ANK2: variants seen among roughly 807,000 people sequenced by gnomAD.
ANK2 encodes the protein ankyrin 2.
Under a neutral mutation model 360.5 loss-of-function variants are expected in ANK2, and 83 were observed. That is an observed-to-expected ratio of 0.23 (90% CI 0.19 to 0.28). The LOEUF (loss-of-function observed/expected upper bound fraction) is 0.28, where lower values mean the gene tolerates loss of function less well. Ranked by LOEUF, ANK2 falls within the 10% of genes least tolerant of loss-of-function variation. ANK2 has a pLI of 1.00. For missense variants in ANK2, 4,201 were observed against 4,795.7 expected (o/e 0.88, Z 3.66); for synonymous variants, 1,740 against 1,759.5 (o/e 0.99, Z 0.28).
intron 2 of ANK2, among the ~76,000 whole-genome samples, chr4:112,956,459 C>T (rs1010505707): frequency 1.3e-5 from 2 of 152,082 alleles, no homozygotes; most frequent in African/African-American, 4.8e-5. Flanking sequence ...GCTTTGTGGT[C>T]GCTATTAGGT....
upstream of ANK2, among the ~76,000 whole-genome samples, chr4:112,815,164 A>G (rs558966608): frequency 6.6e-5 from 10 of 152,260 alleles, no homozygotes; most frequent in African/African-American, 2.4e-4. Flanking sequence ...TACAGGTGCA[A>G]GCCACCACCA....
At chr4:113,173,989 GA>G (rs1399812964) in intron 1 of ANK2, 3 of 196,276 alleles carry the variant, frequency 1.5e-5, no homozygotes, top group Non-Finnish European at 2.1e-5. Context: ...GAAAGAGAAA[GA>G]AAAAAACCCA....
intron 1 of ANK2, among the ~76,000 whole-genome samples, chr4:112,828,552 A>C (rs911168763): frequency 6.6e-6 from 1 of 152,174 alleles, no homozygotes; most frequent in Non-Finnish European, 1.5e-5. Context: ...ACTTAAATAT[A>C]AAATCTGAAA....
intron 4 of ANK2, among the ~76,000 whole-genome samples, chr4:113,226,429 C>G (rs2099222852): frequency 6.6e-6 from 1 of 152,082 alleles, no homozygotes; most frequent in African/African-American, 2.4e-5. Flanking sequence ...AATACCTTGC[C>G]TGCTTCTGTG....
At chr4:113,372,102 C>A (rs2096758741) in intron 43 of ANK2, among the ~76,000 whole-genome samples, 1 of 152,142 alleles carries the variant, frequency 6.6e-6, no homozygotes. Context: ...CTGCTAGAAA[C>A]AGGGGATATT....
intron 2 of ANK2, among the ~76,000 whole-genome samples, chr4:112,942,908 T>G (rs2094330812): frequency 1.3e-5 from 2 of 152,064 alleles, no homozygotes. Context: ...GCTTTTAAAC[T>G]AACTGCAATC....
At chr4:112,771,188 C>G in the ANK2 span, among the ~76,000 whole-genome samples, 1 of 152,220 alleles carries the variant, frequency 6.6e-6, no homozygotes, top group Non-Finnish European at 1.5e-5. Flanking sequence ...TCTTGGCTTA[C>G]CACGACCTTC....
rs368759924 is a variant in ANK2, at chr4:113,274,561, C to T, written c.1595C>T (p.Thr532Ile). The change falls in exon 15 of 46, where the codon ACA becomes ATA. Residue 532 changes from threonine (T) to isoleucine (I), a missense_variant. By Grantham distance (89) the Thr-to-Ile change is moderately conservative (BLOSUM62 -1). Around this residue, in one of 4 missense-constraint regions of ANK2, gnomAD observed 1,268 missense variants for 1,650.8 expected, o/e 0.77. Coordinates refer to ENST00000357077, the MANE Select transcript of ANK2 (RefSeq NM_001148.6). ...GATGCGGCCACTACAAATGGGTACACACCACTGCACATCTCTGCCCGGGAG... is the reference window on the plus strand; with the variant it reads ...GATGCGGCCACTACAAATGGGTACATACCACTGCACATCTCTGCCCGGGAG... ...HPDAATTNGYTPLHISAREGQ... is the reference protein window; with the variant it reads ...HPDAATTNGYIPLHISAREGQ... The T allele has an allele frequency of 1.2e-6, 2 of 1,614,218 alleles. No homozygotes were observed. Among genetic ancestry groups the T allele is most frequent in the Non-Finnish European group, 1.7e-6 (2 of 1,180,048 alleles).
At chr4:112,822,258 A>AAAAAC (rs1343056161) in intron 1 of ANK2, among the ~76,000 whole-genome samples, 80 of 138,432 alleles carry the variant, frequency 5.8e-4, no homozygotes, top group African/African-American at 2.1e-3. Context: ...AAAAAAAAAA[A>AAAAAC]AAAACAAAAA....
At chr4:113,207,216 C>G (rs1035284468) in intron 4 of ANK2, among the ~76,000 whole-genome samples, 1 of 152,114 alleles carries the variant, frequency 6.6e-6, no homozygotes, top group African/African-American at 2.4e-5. Flanking sequence ...TTATATTTTG[C>G]CTTTATGCTC....
At chr4:113,122,581 T>A (rs13131206) in intron 1 of ANK2, among the ~76,000 whole-genome samples, 104,499 of 151,844 alleles carry the variant, frequency 0.69, 36,250 homozygotes, top group African/African-American at 0.72. Flanking sequence ...AACATAAAGT[T>A]GATTGGTGCT....
chr4:113,014,937 C>A (rs1380172837), intron 2 of ANK2, among the ~76,000 whole-genome samples: 1 of 145,002 alleles, frequency 6.9e-6, no homozygotes, highest in Admixed American at 7.2e-5. Flanking sequence ...CGGCTCACTG[C>A]AAGCTCCGCC....
intron 1 of ANK2, among the ~76,000 whole-genome samples, chr4:112,850,297 T>C (rs2149940235): frequency 7.0e-6 from 1 of 142,880 alleles, no homozygotes; most frequent in African/African-American, 2.6e-5. Flanking sequence ...TCTATCTATC[T>C]ATCTAATTTG....
the ANK2 span, among the ~76,000 whole-genome samples, chr4:112,727,299 A>G: frequency 6.6e-6 from 1 of 152,076 alleles, no homozygotes; most frequent in Non-Finnish European, 1.5e-5. Context: ...CTTGAAAATA[A>G]TATCACAGAT....
At chr4:112,846,696 C>T (rs1250854483) in intron 1 of ANK2, among the ~76,000 whole-genome samples, 1 of 152,052 alleles carries the variant, frequency 6.6e-6, no homozygotes, top group East Asian at 1.9e-4. Flanking sequence ...TTCTTTTCTT[C>T]TTTTCCTGGG....
At chr4:112,708,869 A>G in the ANK2 span, among the ~76,000 whole-genome samples, 3 of 152,172 alleles carry the variant, frequency 2.0e-5, no homozygotes, top group Non-Finnish European at 4.4e-5. Context: ...ATTATTTCAT[A>G]TATTATTAGA....
chr4:113,042,334 A>G (rs1401036952), intron 2 of ANK2, among the ~76,000 whole-genome samples: 2 of 152,068 alleles, frequency 1.3e-5, no homozygotes, highest in Non-Finnish European at 2.9e-5. Flanking sequence ...TTACACCACA[A>G]GCTTTCTTGG....
At chr4:112,819,714 A>T (rs1276812305) in intron 1 of ANK2, among the ~76,000 whole-genome samples, 2 of 152,210 alleles carry the variant, frequency 1.3e-5, no homozygotes, top group Admixed American at 6.5e-5. Context: ...GGTACAAGCC[A>T]TATAAAATGA....
intron 2 of ANK2, among the ~76,000 whole-genome samples, chr4:112,948,770 C>T (rs1327241470): frequency 6.6e-6 from 1 of 152,194 alleles, no homozygotes; most frequent in African/African-American, 2.4e-5. Flanking sequence ...GCTTTGTCTC[C>T]TTTCAGCTCA....
Sources: gnomAD v4.1 joint callset for allele counts (sites outside exome capture counted in the v4.1 genomes callset) on GRCh38, gnomAD v4.1.1 for gene constraint, gnomAD v4.1.1 regional missense constraint, MANE v1.5 for transcripts, NCBI Gene and HGNC (gene_info 2026-07-23, HGNC 2026-07-21) for gene names.